Variants in SYCP2 observed in about 807,000 individuals in gnomAD.
The protein encoded by SYCP2 is synaptonemal complex lateral element protein.
SYCP2 carries 55 observed loss-of-function variants against 211.3 expected under a neutral mutation model. That is an observed-to-expected ratio of 0.26 (90% CI 0.21 to 0.33). The LOEUF (loss-of-function observed/expected upper bound fraction) is 0.33, where lower values mean the gene tolerates loss of function less well. SYCP2 is among the 10% of genes least tolerant of loss of function. SYCP2 has a pLI of 1.00. For synonymous variants in SYCP2, 570 were observed against 555.2 expected, an observed-to-expected ratio of 1.03 and a Z score of -0.37; for missense variants, 1,731 against 1,752.0, an observed-to-expected ratio of 0.99 and a Z score of 0.21.
chr20:59,919,147 G>A lies in SYCP2; in HGVS notation c.427+11C>T, dbSNP rs1317937836. 8.0e-7 allele frequency: 1 copy of A among 1,249,734 alleles called. No individual in the cohort carries two copies. Among genetic ancestry groups the A allele is most frequent in the Non-Finnish European group, 1.1e-6 (1 of 879,024 alleles). 77.4% of individuals were successfully genotyped at this position (1,249,734 alleles called of 1,614,324 possible). On this transcript the variant is annotated intron_variant, in intron 7 of 44. Transcript: ENST00000357552. ...TTTATTGTTCCAATAGAAAATAAGTGTTTATTATACCTTCATCACTGACAT... is the reference window on the plus strand; with the variant it reads ...TTTATTGTTCCAATAGAAAATAAGTATTTATTATACCTTCATCACTGACAT...
chr20:59,873,016 T>G (rs1168938579), intron 35 of SYCP2, among the ~76,000 whole-genome samples: 1 of 152,140 alleles, frequency 6.6e-6, no homozygotes, highest in East Asian at 1.9e-4. Flanking sequence ...TTCTTCCTCA[T>G]CTATGTATCA....
At chr20:59,888,787 T>C (rs552647741) in intron 24 of SYCP2, among the ~76,000 whole-genome samples, 1 of 152,202 alleles carries the variant, frequency 6.6e-6, no homozygotes, top group South Asian at 2.1e-4. Flanking sequence ...TAAGCAATTG[T>C]AGCAAGATTG....
rs984919071 is a variant in SYCP2 at position 59,896,338 on chromosome 20, C to T, written c.1504+91G>A. The T allele has an allele frequency of 4.4e-6, 3 of 678,328 alleles. No homozygotes were observed. In the African/African-American group the frequency reaches 5.5e-5, roughly 12 times the overall value. The allele number at this position is 678,328 out of a possible 1,614,324, so 42.0% of individuals were successfully genotyped here. ...TCAATTTTTATACACCAAACTTATC[C>T]TTTATGTAAATTATGTTCAGAATTG... On this transcript the variant is annotated intron_variant, in intron 19 of 44. Transcript: ENST00000357552.
At chr20:59,900,061 C>T (rs2060086207) in intron 18 of SYCP2, 77 bp downstream of exon 18, 2 of 1,422,034 alleles carry the variant, frequency 1.4e-6, no homozygotes, top group Non-Finnish European at 2.0e-6. Context: ...ATTCTAGATG[C>T]TTCTTTCAGT....
At chr20:59,920,326 T>C (rs2060518083) in intron 5 of SYCP2, 33 bp downstream of exon 5, 1 of 1,489,562 alleles carries the variant, frequency 6.7e-7, no homozygotes, top group Non-Finnish European at 9.1e-7. Context: ...TAATATTTCA[T>C]TCACATGAAT....
At chr20:59,871,102 T>C (rs2059443723) in intron 35 of SYCP2, among the ~76,000 whole-genome samples, 1 of 151,880 alleles carries the variant, frequency 6.6e-6, no homozygotes. Context: ...GTTTACATTA[T>C]ATACAACGAA....
rs888059921 is a variant in SYCP2, at chr20:59,876,801, T to C, written c.3150+584A>G. On this transcript the variant is annotated intron_variant, in intron 33 of 44. Coordinates refer to ENST00000357552, the MANE Select transcript of SYCP2 (RefSeq NM_014258.4). ...CATACACTATACTAAAATAGTAATA[T>C]AAGTATATATATTTTTCCCATAATT... Among the ~76,000 whole-genome samples the C allele has an allele frequency of 5.9e-5, 9 of 152,264 alleles. No individual in the cohort carries two copies. The East Asian group carries it at 1.7e-3, about 29-fold the overall frequency.
chr20:59,897,557 C>A (rs1045966976), intron 18 of SYCP2, among the ~76,000 whole-genome samples: 1 of 152,036 alleles, frequency 6.6e-6, no homozygotes, highest in Admixed American at 6.6e-5. Context: ...GGCTAAGAAT[C>A]AGCATTGTTA....
At chr20:59,910,373 T>A (rs2060294392) in intron 14 of SYCP2, among the ~76,000 whole-genome samples, 1 of 134,826 alleles carries the variant, frequency 7.4e-6, no homozygotes, top group Non-Finnish European at 1.6e-5. Context: ...TGTAATTGCT[T>A]ATTTTTTTTT....
chr20:59,892,151 C>T lies in SYCP2; in HGVS notation c.2203G>A (p.Glu735Lys). 6.2e-7 allele frequency: 1 copy of T among 1,612,408 alleles called. No homozygotes were observed. Among genetic ancestry groups the T allele is most frequent in the Non-Finnish European group, 8.5e-7 (1 of 1,179,108 alleles). ...KSVLLNKTIEESLIYRKKYIL... is the reference protein window; with the variant it reads ...KSVLLNKTIEKSLIYRKKYIL... The stretch of plus-strand genomic sequence containing the variant: ...TATTTCTTCCTATATATCAGCGATT[C>T]TTCAATTGTCTTATTTAGGAGAACC... The change falls in exon 24 of 45, where the codon GAA becomes AAA. Residue 735 changes from glutamate (E) to lysine (K), a missense_variant. By Grantham distance (56) the Glu-to-Lys change is moderately conservative. Transcript: ENST00000357552.
chr20:59,895,758 T>C (rs1049003688), intron 19 of SYCP2, among the ~76,000 whole-genome samples, 161 bp from the exon 20 acceptor site: 1 of 152,070 alleles, frequency 6.6e-6, no homozygotes, highest in Non-Finnish European at 1.5e-5. Flanking sequence ...ACCAAGATAA[T>C]AAGTGAAGGA....
chr20:59,889,934 T>C (rs1396907050), intron 24 of SYCP2, among the ~76,000 whole-genome samples: 3 of 152,196 alleles, frequency 2.0e-5, no homozygotes, highest in Non-Finnish European at 2.9e-5. Context: ...TGTGGAGAAA[T>C]AGGAATGCTT....
At chr20:59,915,420 C>A (rs745960338) in intron 9 of SYCP2, 45 bp downstream of exon 9, 3 of 1,312,564 alleles carry the variant, frequency 2.3e-6, no homozygotes, top group South Asian at 2.5e-5. Context: ...ATAAAACATT[C>A]TTATGGATTT....
chr20:59,894,252 CATT>C (rs1021347584), intron 20 of SYCP2, among the ~76,000 whole-genome samples: 2 of 151,962 alleles, frequency 1.3e-5, no homozygotes, highest in Non-Finnish European at 2.9e-5. Context: ...AGGAGGGGAA[CATT>C]ATGGAAATAT....
chr20:59,875,110 CAA>C (rs1169406271), intron 34 of SYCP2, among the ~76,000 whole-genome samples, 159 bp downstream of exon 34: 5 of 152,098 alleles, frequency 3.3e-5, no homozygotes, highest in African/African-American at 7.2e-5. Context: ...CCCATGTTAT[CAA>C]AAGTCAAGTT....
At chr20:59,922,534 C>A in intron 2 of SYCP2, 75 bp from the exon 3 acceptor site, 1 of 624,586 alleles carries the variant, frequency 1.6e-6, no homozygotes, top group South Asian at 3.0e-5. Context: ...ATCTTACACA[C>A]ATAAATATGC....
At chr20:59,888,233 T>C (rs151075737) in intron 24 of SYCP2, among the ~76,000 whole-genome samples, 76 of 151,982 alleles carry the variant, frequency 5.0e-4, no homozygotes, top group African/African-American at 1.6e-3. Context: ...CATAAACACA[T>C]ACACAAAAAT....
intron 34 of SYCP2, among the ~76,000 whole-genome samples, chr20:59,874,799 T>C (rs891692651): frequency 3.9e-5 from 6 of 152,028 alleles, no homozygotes; most frequent in African/African-American, 1.2e-4. Context: ...GAATTTTTCT[T>C]TAGCAATCAT....
Position 59,901,803 on chromosome 20 carries a change from T to G in SYCP2, c.1041A>C (p.Glu347Asp). The G allele has an allele frequency of 6.3e-7, 1 of 1,593,730 alleles. No individual in the cohort carries two copies. Among genetic ancestry groups the G allele is most frequent in the Non-Finnish European group, 8.5e-7 (1 of 1,171,218 alleles). ...GAATTATTGTCAGTAGCTTCTTTGA[T>G]TCTCTCACTGTATAGAAACAACACT... is the stretch of plus-strand genomic sequence containing the variant. Reference protein sequence around the residue: ...KVQIYSIEVRESKKLLTIILK... With the variant: ...KVQIYSIEVRDSKKLLTIILK... The change falls in exon 16 of 45, where the codon GAA becomes GAC. Residue 347 changes from glutamate (E) to aspartate (D), a missense_variant. Physicochemically the swap from Glu to Asp is conservative, Grantham distance 45. This residue lies in a region of SYCP2 where 1,387 missense variants were observed against 1,351.3 expected (regional missense o/e 1.03). Transcript: ENST00000357552.
Sources: gnomAD v4.1 joint callset for allele counts (sites outside exome capture counted in the v4.1 genomes callset) on GRCh38, gnomAD v4.1.1 for gene constraint, gnomAD v4.1.1 regional missense constraint, MANE v1.5 for transcripts, NCBI Gene and HGNC (gene_info 2026-07-23, HGNC 2026-07-21) for gene names.